The following IL1RAPL2 variants were observed in gnomAD, a reference collection of about 807,000 sequenced individuals.
IL1RAPL2 encodes X-linked interleukin-1 receptor accessory protein-like 2.
A neutral mutation model predicts 44.1 loss-of-function variants in IL1RAPL2; 3 were observed. The observed-to-expected ratio is 0.07, with a 90% confidence interval of 0.03 to 0.18. The LOEUF (loss-of-function observed/expected upper bound fraction) is 0.18, where lower values mean the gene tolerates loss of function less well. Ranked by LOEUF, IL1RAPL2 falls within the 10% of genes least tolerant of loss-of-function variation. IL1RAPL2 has a pLI of 1.00. For synonymous variants in IL1RAPL2, 181 were observed against 178.8 expected (o/e 1.01, Z -0.10); for missense variants, 391 against 496.4 (o/e 0.79, Z 2.02).
intron 2 of IL1RAPL2, among the ~76,000 whole-genome samples, chrX:104,809,005 A>G (rs947955049): frequency 1.8e-5 from 2 of 111,638 alleles, no homozygotes; most frequent in African/African-American, 6.5e-5. Context: ...GATAAGACCA[A>G]TAGATGATAT....
At chrX:105,707,162 C>G (rs925760971) in intron 6 of IL1RAPL2, among the ~76,000 whole-genome samples, 7 of 111,863 alleles carry the variant, frequency 6.3e-5, no homozygotes, top group Admixed American at 2.8e-4. Context: ...TTGTTGTTGA[C>G]TCTGCCTTGC....
chrX:105,160,851 TTA>T (rs1196571325), intron 2 of IL1RAPL2, among the ~76,000 whole-genome samples: 5 of 112,010 alleles, frequency 4.5e-5, no homozygotes, highest in Non-Finnish European at 9.4e-5. Context: ...ACAGAATATC[TTA>T]TTGAAAATTT....
chrX:104,893,753 G>A (rs1224474583), intron 2 of IL1RAPL2, among the ~76,000 whole-genome samples: 1 of 111,808 alleles, frequency 8.9e-6, no homozygotes, highest in East Asian at 2.8e-4. Context: ...TTGCCAGTCT[G>A]TGTCTTTTAA....
At chrX:104,894,141 G>T (rs942083585) in intron 2 of IL1RAPL2, among the ~76,000 whole-genome samples, 3 of 112,030 alleles carry the variant, frequency 2.7e-5, no homozygotes, top group African/African-American at 6.5e-5. Flanking sequence ...TATAGTTTCT[G>T]CCGAGACATC....
chrX:104,823,408 G>C (rs1921362110), intron 2 of IL1RAPL2, among the ~76,000 whole-genome samples: 1 of 110,621 alleles, frequency 9.0e-6, no homozygotes, highest in South Asian at 3.9e-4. Context: ...TTTCATCCAT[G>C]TCCATACAAA....
intron 6 of IL1RAPL2, among the ~76,000 whole-genome samples, chrX:105,529,449 C>T (rs1003251481): frequency 7.2e-5 from 8 of 111,087 alleles, no homozygotes; most frequent in Non-Finnish European, 1.9e-5. Flanking sequence ...TAAACTCATT[C>T]CACACATATA....
intron 2 of IL1RAPL2, chrX:104,804,039 G>C (rs879019196): frequency 8.7e-6 from 1 of 114,607 alleles, no homozygotes; most frequent in Non-Finnish European, 1.8e-5. Flanking sequence ...GCCAAGTCCC[G>C]CTTCTGGTAC....
At chrX:105,094,207 A>C (rs1348626578) in intron 2 of IL1RAPL2, among the ~76,000 whole-genome samples, 2 of 111,599 alleles carry the variant, frequency 1.8e-5, no homozygotes, top group African/African-American at 3.3e-5. Context: ...CCTCTCTGTG[A>C]CTCAGTTTCC....
At chrX:105,350,551 C>T (rs1233951270) in intron 5 of IL1RAPL2, among the ~76,000 whole-genome samples, 4 of 111,262 alleles carry the variant, frequency 3.6e-5, no homozygotes, top group Non-Finnish European at 5.7e-5. Context: ...TAGAGAAACC[C>T]CGTCTCCACT....
intron 5 of IL1RAPL2, among the ~76,000 whole-genome samples, chrX:105,309,785 T>C (rs2034782374): frequency 9.0e-6 from 1 of 111,498 alleles, no homozygotes; most frequent in Non-Finnish European, 1.9e-5. Flanking sequence ...ATTATTGGAT[T>C]GCAAGAAATC....
intron 2 of IL1RAPL2, among the ~76,000 whole-genome samples, chrX:105,088,181 G>A (rs1312748872): frequency 1.8e-5 from 2 of 111,782 alleles, no homozygotes; most frequent in African/African-American, 6.5e-5. Flanking sequence ...GGCTAATTGT[G>A]GAAGAGTCCA....
chrX:105,694,990 T>C (rs1207982495), intron 6 of IL1RAPL2, among the ~76,000 whole-genome samples: 2 of 111,384 alleles, frequency 1.8e-5, no homozygotes, highest in Non-Finnish European at 3.8e-5. Flanking sequence ...ATTAGTGAGC[T>C]GAGGAATCAA....
intron 6 of IL1RAPL2, among the ~76,000 whole-genome samples, chrX:105,538,257 C>T (rs2036693657): frequency 2.7e-5 from 3 of 109,155 alleles, no homozygotes; most frequent in Admixed American, 9.9e-5. Flanking sequence ...AGGATGATCT[C>T]GATCTCCTGA....
At chrX:105,632,039 CCTCTCTTATT>C (rs1408712027) in intron 6 of IL1RAPL2, among the ~76,000 whole-genome samples, 2 of 110,595 alleles carry the variant, frequency 1.8e-5, no homozygotes, top group African/African-American at 3.3e-5. Flanking sequence ...TCTCCCCAGT[CCTCTCTTATT>C]CCTTTCCCTT....
intron 1 of IL1RAPL2, among the ~76,000 whole-genome samples, chrX:104,616,135 T>G (rs1929272822): frequency 8.9e-6 from 1 of 112,592 alleles, no homozygotes; most frequent in African/African-American, 3.2e-5. Flanking sequence ...CTTTGTCAAA[T>G]GGATAGATTG....
intron 2 of IL1RAPL2, among the ~76,000 whole-genome samples, chrX:104,760,699 G>C (rs1932413291): frequency 9.0e-6 from 1 of 111,310 alleles, no homozygotes; most frequent in Non-Finnish European, 1.9e-5. Context: ...TTGTCAGATG[G>C]ATAGTTTGAA....
chrX:104,909,125 G>A (rs1165377627), intron 2 of IL1RAPL2, among the ~76,000 whole-genome samples: 1 of 111,683 alleles, frequency 9.0e-6, no homozygotes, highest in East Asian at 2.8e-4. Flanking sequence ...CTTTCTTCCA[G>A]TTGATCGCAT....
At chrX:105,265,394 T>C (rs1024141023) in intron 4 of IL1RAPL2, among the ~76,000 whole-genome samples, 1 of 112,094 alleles carries the variant, frequency 8.9e-6, no homozygotes, top group Non-Finnish European at 1.9e-5. Context: ...AGCTGGGCTG[T>C]TTCTTTTTCT....
intron 2 of IL1RAPL2, among the ~76,000 whole-genome samples, chrX:104,885,991 C>A (rs936837902): frequency 8.9e-6 from 1 of 112,605 alleles, no homozygotes; most frequent in East Asian, 2.8e-4. Context: ...CTCACTGAGG[C>A]CTGGGTATGT....
Sources: allele counts gnomAD v4.1 joint callset (sites outside exome capture counted in the v4.1 genomes callset), GRCh38; gene constraint gnomAD v4.1.1; transcripts MANE v1.5; gene names NCBI Gene and HGNC (gene_info 2026-07-23, HGNC 2026-07-21).